The following ABCA9 variants were observed in gnomAD, a reference collection of about 807,000 sequenced individuals.
ABCA9 encodes ATP binding cassette subfamily A member 9.
ABCA9 carries 183 observed loss-of-function variants against 205.3 expected under a neutral mutation model. That is an observed-to-expected ratio of 0.89 (90% CI 0.79 to 1.01). The LOEUF (loss-of-function observed/expected upper bound fraction) is 1.01. Among genes scored for constraint, ABCA9 ranks in the 50% least tolerant of loss-of-function variants. The probability of loss-of-function intolerance (pLI) is 0.00; values close to 1 mark genes in which losing one functional copy is unlikely to be tolerated. For missense variants in ABCA9, 1,805 were observed against 1,912.4 expected, an observed-to-expected ratio of 0.94 and a Z score of 1.05; for synonymous variants, 651 against 683.3, an observed-to-expected ratio of 0.95 and a Z score of 0.74.
Position 69,044,526 on chromosome 17 carries a change from G to T in ABCA9, c.544C>A (p.Gln182Lys), listed in dbSNP as rs1303465516. Reference protein sequence around the residue: ...EFWEKGFVAFQAAINAAIIEI... With the variant: ...EFWEKGFVAFKAAINAAIIEI... Reference sequence around the variant, plus strand: ...ATGATAGCAGCATTAATGGCAGCTTGAAAAGCTACAAAGCCTTTCTCCCAG... The same window carrying T: ...ATGATAGCAGCATTAATGGCAGCTTTAAAAGCTACAAAGCCTTTCTCCCAG... The change falls in exon 5 of 39, where the codon CAA (glutamine) becomes AAA (lysine). Residue 182 changes from glutamine (Q) to lysine (K), a missense_variant. Coordinates refer to ENST00000340001, the MANE Select transcript of ABCA9 (RefSeq NM_080283.4). The T allele has an allele frequency of 6.2e-7, 1 of 1,612,956 alleles. No individual in the cohort carries two copies.
At chr17:68,979,171 C>T (rs2068967353) in intron 37 of ABCA9, among the ~76,000 whole-genome samples, 1 of 152,170 alleles carries the variant, frequency 6.6e-6, no homozygotes, top group Admixed American at 6.5e-5. Context: ...CATGAGTGAA[C>T]TCCCATTCAC....
rs142999937 is a variant in ABCA9, at chr17:69,048,753, T to C, written c.304+530A>G. Among the ~76,000 whole-genome samples, 124 of 152,360 alleles carry C rather than the reference T, an allele frequency of 8.1e-4. 1 individual carries two copies. The East Asian group carries it at 0.022, about 27-fold the overall frequency. On this transcript the variant is annotated intron_variant, in intron 3 of 38. Coordinates refer to ENST00000340001, the MANE Select transcript of ABCA9 (RefSeq NM_080283.4). ...CTTTCTGGTGGGTAATTATGAACTC[T>C]TAAAGAAGTTTCTTCAGGACCATCA... is the stretch of plus-strand genomic sequence containing the variant.
At chr17:69,047,849 A>C (rs983664149) in intron 3 of ABCA9, among the ~76,000 whole-genome samples, 1 of 152,166 alleles carries the variant, frequency 6.6e-6, no homozygotes, top group African/African-American at 2.4e-5. Context: ...TGCATGAATA[A>C]AAGTCAAGCC....
intron 25 of ABCA9, among the ~76,000 whole-genome samples, chr17:68,998,787 T>C (rs2069725092): frequency 6.6e-6 from 1 of 151,946 alleles, no homozygotes; most frequent in African/African-American, 2.4e-5. Context: ...TTATTAATTC[T>C]GAAATTGTGC....
chr17:68,992,861 G>GTGTGTGTGCACGCATGCATGCATGTGCA (rs2069499691), intron 27 of ABCA9, among the ~76,000 whole-genome samples, 155 bp downstream of exon 27: 5 of 150,830 alleles, frequency 3.3e-5, no homozygotes, highest in African/African-American at 1.2e-4. Context: ...TCGTGTGTGT[G>GTGTGTGTGCACGCATGCATGCATGTGCA]TGTGTGTGCA....
intron 9 of ABCA9, 92 bp downstream of exon 9, chr17:69,033,634 G>C (rs910181428): frequency 8.9e-7 from 1 of 1,122,080 alleles, no homozygotes; most frequent in Non-Finnish European, 1.3e-6. Context: ...TTGAAAAACT[G>C]CTTGCTAATT....
At chr17:68,992,347 G>T in intron 27 of ABCA9, 81 bp from the exon 28 acceptor site, 1 of 921,512 alleles carries the variant, frequency 1.1e-6, no homozygotes, top group Non-Finnish European at 1.6e-6. Context: ...TAAAGAGTTT[G>T]ATTATATAAA....
chr17:69,016,070 A>T (rs1160713775), intron 22 of ABCA9, among the ~76,000 whole-genome samples, 183 bp downstream of exon 22: 1 of 147,810 alleles, frequency 6.8e-6, no homozygotes, highest in Non-Finnish European at 1.5e-5. Context: ...ATATATATAT[A>T]AAATATTGCA....
chr17:69,015,027 C>G lies in ABCA9; in HGVS notation c.3039+1226G>C, dbSNP rs115876728. ...GCAACTAGAGAAAGCATGATGTCTC[C>G]CCAGCACCAGTTCCATAGGAAGAGC... On this transcript the variant is annotated intron_variant, in intron 22 of 38. Coordinates refer to ENST00000340001, the MANE Select transcript of ABCA9 (RefSeq NM_080283.4). 6.5e-3 allele frequency among the ~76,000 whole-genome samples: 982 copies of G among 152,222 alleles called. 18 individuals carry two copies. Among genetic ancestry groups the G allele is most frequent in the African/African-American group, 0.023 (949 of 41,548 alleles).
Position 69,029,173 on chromosome 17 carries a change from C to G in ABCA9, c.1500G>C (p.Leu500Phe). ...AATAAAATATTATTTTATTACCTTT[C>G]AAAGCTTCTACTCTCTCACACTTCC... The part of the protein sequence containing the change: ...YAGKCERVEA[L>F]KGVVFDIYEG... Residue 500 changes from leucine to phenylalanine, a missense_variant, in exon 11 of 39, where the codon TTG becomes TTC. Transcript: ENST00000340001. The G allele has an allele frequency of 6.5e-7, 1 of 1,543,116 alleles. No individual in the cohort carries two copies.
At chr17:68,980,881 T>C (rs1255667717) in intron 37 of ABCA9, among the ~76,000 whole-genome samples, 1 of 151,458 alleles carries the variant, frequency 6.6e-6, no homozygotes, top group African/African-American at 2.4e-5. Context: ...AACCTGCACG[T>C]TGTGCACATG....
chr17:69,033,345 G>A (rs543881817), intron 9 of ABCA9: 1 of 145,870 alleles, frequency 6.9e-6, no homozygotes, highest in East Asian at 2.0e-4. Context: ...AGGAAAGATT[G>A]TACATCGACT....
chr17:69,010,658 A>T (rs2070339404), intron 23 of ABCA9, among the ~76,000 whole-genome samples: 1 of 152,210 alleles, frequency 6.6e-6, no homozygotes, highest in African/African-American at 2.4e-5. Context: ...TTAATTGCAA[A>T]TAAGGAAACC....
At chr17:68,997,207 A>G (rs2144078732) in intron 25 of ABCA9, among the ~76,000 whole-genome samples, 1 of 152,398 alleles carries the variant, frequency 6.6e-6, no homozygotes, top group Admixed American at 6.5e-5. Context: ...CTAGGATTAC[A>G]GGCGTGAGCC....
intron 7 of ABCA9, 104 bp from the exon 8 acceptor site, chr17:69,035,535 T>C: frequency 7.0e-7 from 1 of 1,427,706 alleles, no homozygotes; most frequent in East Asian, 2.4e-5. Context: ...TTTCCACCCC[T>C]AGACACTGTT....
At chr17:68,984,291 A>C in intron 34 of ABCA9, 116 bp from the exon 35 acceptor site, 1 of 1,416,010 alleles carries the variant, frequency 7.1e-7, no homozygotes, top group East Asian at 2.3e-5. Context: ...CAGACTAGAC[A>C]AAAAAGGGGT....
intron 23 of ABCA9, among the ~76,000 whole-genome samples, chr17:69,010,733 T>G (rs2070342390): frequency 6.6e-6 from 1 of 151,738 alleles, no homozygotes; most frequent in Non-Finnish European, 1.5e-5. Context: ...AAGAAAATAG[T>G]GGAGAGGGAG....
Position 69,012,022 on chromosome 17 carries a change from G to T in ABCA9, c.3101C>A (p.Ala1034Asp). The change falls in exon 23 of 39, where the codon GCC becomes GAC. Residue 1034 changes from alanine to aspartate, a missense_variant. Physicochemically the swap from Ala to Asp is moderately radical, Grantham distance 126. Transcript: ENST00000340001. Reference protein sequence around the residue: ...SNTFFWIPMAASFTPYIAMSS... With the variant: ...SNTFFWIPMADSFTPYIAMSS... ...CATTGCAATGTATGGAGTGAAAGAG[G>T]CTGCCATCGGTATCCAGAAGAAGGT... 6.2e-7 allele frequency: 1 copy of T among 1,613,116 alleles called. No individual in the cohort carries two copies. Among genetic ancestry groups the T allele is most frequent in the Non-Finnish European group, 8.5e-7 (1 of 1,179,504 alleles).
chr17:69,048,279 T>C (rs1293589430), intron 3 of ABCA9, among the ~76,000 whole-genome samples: 1 of 152,212 alleles, frequency 6.6e-6, no homozygotes, highest in Admixed American at 6.5e-5. Context: ...ATTCCACTTA[T>C]GCATCATGTC....
Sources: gnomAD v4.1 joint callset for allele counts (sites outside exome capture counted in the v4.1 genomes callset) on GRCh38, gnomAD v4.1.1 for gene constraint, MANE v1.5 for transcripts, NCBI Gene and HGNC (gene_info 2026-07-23, HGNC 2026-07-21) for gene names.